ZNF385D: variants seen among roughly 807,000 people sequenced by gnomAD.
ZNF385D encodes the protein zinc finger protein 659.
Under a neutral mutation model 35.8 loss-of-function variants are expected in ZNF385D, and 15 were observed. That is an observed-to-expected ratio of 0.42 (90% CI 0.28 to 0.64). ZNF385D has a LOEUF of 0.64. Ranked by LOEUF, ZNF385D falls within the 30% of genes least tolerant of loss-of-function variation. The probability of loss-of-function intolerance (pLI) is 0.23; values close to 1 mark genes in which losing one functional copy is unlikely to be tolerated. For missense variants in ZNF385D, 474 were observed against 494.6 expected (o/e 0.96, Z 0.39); for synonymous variants, 212 against 186.8 (o/e 1.13, Z -1.10).
intron 3 of ZNF385D, among the ~76,000 whole-genome samples, chr3:22,072,710 G>T (rs187841624): frequency 6.6e-6 from 1 of 151,610 alleles, no homozygotes; most frequent in African/African-American, 2.4e-5. Flanking sequence ...GGAGAAAGAG[G>T]GAAGGACACG....
intron 2 of ZNF385D, among the ~76,000 whole-genome samples, chr3:22,213,334 T>C (rs913939966): frequency 6.6e-6 from 1 of 152,048 alleles, no homozygotes; most frequent in Non-Finnish European, 1.5e-5. Flanking sequence ...TAAAAACAAT[T>C]TGTATCTTAC....
At chr3:21,850,715 A>G (rs1292829789) in intron 3 of ZNF385D, among the ~76,000 whole-genome samples, 1 of 152,062 alleles carries the variant, frequency 6.6e-6, no homozygotes, top group Non-Finnish European at 1.5e-5. Flanking sequence ...CAAAGGGAGA[A>G]ACATTGTTGA....
At chr3:21,541,761 G>A (rs4858329) in intron 3 of ZNF385D, among the ~76,000 whole-genome samples, 84,601 of 151,886 alleles carry the variant, frequency 0.56, 23,792 homozygotes, top group East Asian at 0.71. Context: ...AATGGAATGA[G>A]CAAATTTTAT....
intron 3 of ZNF385D, among the ~76,000 whole-genome samples, chr3:21,772,601 T>A (rs146261898): frequency 6.6e-6 from 1 of 152,006 alleles, no homozygotes; most frequent in South Asian, 2.1e-4. Flanking sequence ...ACTTGTGCAT[T>A]GTTGGTGGGA....
intron 3 of ZNF385D, among the ~76,000 whole-genome samples, chr3:22,092,067 T>C (rs75616276): frequency 0.019 from 2,956 of 152,270 alleles, 93 homozygotes; most frequent in African/African-American, 0.066. Context: ...CACTTTTGAA[T>C]AAAAGTTCAA....
chr3:22,241,599 G>A lies in ZNF385D; in HGVS notation c.107-72564C>T, dbSNP rs1178797417. On this transcript the variant is annotated intron_variant, in intron 2 of 5. Transcript: ENST00000494108. ...TTATTTCTAAGCCAATAGCCCTCTG[G>A]CCCTTAACAAATTAATTAGGCTTTT... Among the ~76,000 whole-genome samples, 22 of 150,916 alleles carry A rather than the reference G, an allele frequency of 1.5e-4. 1 individual carries two copies. Among genetic ancestry groups the A allele is most frequent in the Admixed American group, 1.5e-3 (22 of 15,136 alleles).
chr3:22,154,409 T>A, intron 3 of ZNF385D, among the ~76,000 whole-genome samples: 1 of 152,120 alleles, frequency 6.6e-6, no homozygotes, highest in Non-Finnish European at 1.5e-5. Context: ...AGGACCAACA[T>A]TTCTCAACTC....
At chr3:22,129,971 G>A (rs1025011853) in intron 3 of ZNF385D, among the ~76,000 whole-genome samples, 2 of 152,112 alleles carry the variant, frequency 1.3e-5, no homozygotes, top group African/African-American at 4.8e-5. Context: ...GGCCCATGGC[G>A]ACTGCTGCCT....
chr3:22,316,523 G>A (rs564561281), intron 2 of ZNF385D, among the ~76,000 whole-genome samples: 1 of 152,264 alleles, frequency 6.6e-6, no homozygotes, highest in Admixed American at 6.5e-5. Context: ...GATGGTAGAA[G>A]GAAAAAGTGT....
intron 2 of ZNF385D, among the ~76,000 whole-genome samples, chr3:21,634,070 A>G (rs1273049425): frequency 6.6e-6 from 1 of 151,708 alleles, no homozygotes; most frequent in Admixed American, 6.6e-5. Context: ...GATGGCACAC[A>G]CCTCTAGTCC....
At chr3:21,623,596 C>G (rs938635094) in intron 2 of ZNF385D, among the ~76,000 whole-genome samples, 1 of 151,950 alleles carries the variant, frequency 6.6e-6, no homozygotes, top group South Asian at 2.1e-4. Flanking sequence ...GGAAATTGAG[C>G]CCACAATGAG....
chr3:22,034,240 G>C (rs1055384188), intron 3 of ZNF385D, among the ~76,000 whole-genome samples: 2 of 152,150 alleles, frequency 1.3e-5, no homozygotes, highest in East Asian at 3.9e-4. Context: ...TGAAATTAGT[G>C]ATCTTACAGG....
chr3:22,025,210 G>C (rs891702366), intron 3 of ZNF385D, among the ~76,000 whole-genome samples: 1 of 152,140 alleles, frequency 6.6e-6, no homozygotes, highest in Non-Finnish European at 1.5e-5. Context: ...GCTGCCATCA[G>C]CCTTTCCACT....
intron 3 of ZNF385D, among the ~76,000 whole-genome samples, chr3:22,076,651 C>A (rs144173448): frequency 6.6e-6 from 1 of 151,794 alleles, no homozygotes; most frequent in Admixed American, 6.6e-5. Flanking sequence ...TAGTTTTATC[C>A]CTAGTATCTG....
intron 3 of ZNF385D, among the ~76,000 whole-genome samples, chr3:22,070,127 T>A (rs894408238): frequency 6.6e-6 from 1 of 152,198 alleles, no homozygotes; most frequent in African/African-American, 2.4e-5. Flanking sequence ...TTCCCACAAA[T>A]GTTCACTTAG....
intron 3 of ZNF385D, among the ~76,000 whole-genome samples, chr3:21,516,432 C>T (rs999454236): frequency 6.6e-6 from 1 of 151,942 alleles, no homozygotes; most frequent in South Asian, 2.1e-4. Context: ...AGAAGTTACC[C>T]TTTTTTTTAA....
chr3:21,565,554 A>ATTTT (rs1553613776), intron 2 of ZNF385D, among the ~76,000 whole-genome samples: 1 of 151,438 alleles, frequency 6.6e-6, no homozygotes, highest in Non-Finnish European at 1.5e-5. Context: ...CTTGATCTTA[A>ATTTT]TTCTTTCATG....
At chr3:21,425,343 AGTGGGTT>A (rs1431251288) in intron 6 of ZNF385D, 142 bp downstream of exon 6, 1 of 654,602 alleles carries the variant, frequency 1.5e-6, no homozygotes, top group Non-Finnish European at 2.3e-6. Flanking sequence ...AAGGAAGATA[AGTGGGTT>A]AACAGATGGG....
At chr3:21,876,711 C>A (rs62236514) in intron 3 of ZNF385D, among the ~76,000 whole-genome samples, 1 of 151,000 alleles carries the variant, frequency 6.6e-6, no homozygotes, top group East Asian at 2.0e-4. Context: ...TTTTTTTTAC[C>A]AATTAAAGTT....
Sources: gnomAD v4.1 joint callset for allele counts (sites outside exome capture counted in the v4.1 genomes callset) on GRCh38, gnomAD v4.1.1 for gene constraint, MANE v1.5 for transcripts, NCBI Gene and HGNC (gene_info 2026-07-23, HGNC 2026-07-21) for gene names.